The following CCDC6 variants were observed in gnomAD, a reference collection of about 807,000 sequenced individuals.
CCDC6 encodes the protein coiled-coil domain containing 6, also known as coiled-coil domain-containing protein 6.
CCDC6 carries 20 observed loss-of-function variants against 56.6 expected under a neutral mutation model. The ratio of observed to expected loss-of-function variants is 0.35; its 90% CI spans 0.25 to 0.51. The LOEUF is 0.51. Among genes scored for constraint, CCDC6 ranks in the 20% least tolerant of loss-of-function variants. The pLI is 0.95. For missense variants in CCDC6, 367 were observed against 601.1 expected, an observed-to-expected ratio of 0.61 and a Z score of 4.07; for synonymous variants, 241 against 234.4, an observed-to-expected ratio of 1.03 and a Z score of -0.26.
In CCDC6 at chr10:59,841,882, C is replaced by T. The variant is rs1377476585; in HGVS notation, c.454-9229G>A. Among the ~76,000 whole-genome samples, 9 of 151,360 alleles carry T rather than the reference C, an allele frequency of 5.9e-5. No individual in the cohort carries two copies. The South Asian group carries it at 6.3e-4, about 11-fold the overall frequency. ...TGGGGTTTCACCACGTTAGCCAGGA[C>T]GGTCTCGATCTCCTGACCTCATGAT... is the stretch of plus-strand genomic sequence containing the variant. On this transcript the variant is annotated intron_variant, in intron 2 of 8. Coordinates refer to ENST00000263102, the MANE Select transcript of CCDC6 (RefSeq NM_005436.5).
intron 1 of CCDC6, among the ~76,000 whole-genome samples, chr10:59,869,389 C>CAAAAAAAAAAAAAAA (rs1167007522): frequency 6.6e-4 from 4 of 6,098 alleles, no homozygotes; most frequent in Non-Finnish European, 1.3e-3. Flanking sequence ...CTTGCTCAGG[C>CAAAAAAAAAAAAAAA]AAAAAAAAAA....
intron 4 of CCDC6, among the ~76,000 whole-genome samples, chr10:59,814,215 A>G (rs893275617): frequency 2.6e-5 from 4 of 152,204 alleles, no homozygotes; most frequent in Non-Finnish European, 5.9e-5. Flanking sequence ...TAGGTTTTAA[A>G]ACAATTTTAT....
intron 7 of CCDC6, among the ~76,000 whole-genome samples, chr10:59,803,185 G>T (rs1298125571): frequency 6.6e-6 from 1 of 152,074 alleles, no homozygotes; most frequent in East Asian, 1.9e-4. Flanking sequence ...TTGTGCCACT[G>T]ATCTCTGATA....
chr10:59,827,814 G>C (rs1477969625), intron 3 of CCDC6, among the ~76,000 whole-genome samples: 1 of 152,154 alleles, frequency 6.6e-6, no homozygotes, highest in Non-Finnish European at 1.5e-5. Context: ...TAAGGGGTCT[G>C]GTACATGGTA....
At chr10:59,887,596 A>C (rs1171820) in intron 1 of CCDC6, among the ~76,000 whole-genome samples, 8 of 151,858 alleles carry the variant, frequency 5.3e-5, no homozygotes, top group South Asian at 4.2e-4. Flanking sequence ...AGGGGACCAA[A>C]TACCAAGTGA....
chr10:59,872,711 T>C (rs534093881), intron 1 of CCDC6, among the ~76,000 whole-genome samples: 16 of 145,274 alleles, frequency 1.1e-4, no homozygotes, highest in African/African-American at 3.8e-4. Flanking sequence ...AAGGATTTCA[T>C]GGTCAAACTA....
chr10:59,853,846 G>A lies in CCDC6; in HGVS notation c.304-1144C>T, dbSNP rs184899921. Among the ~76,000 whole-genome samples the A allele has an allele frequency of 6.6e-5, 10 of 152,230 alleles. No homozygotes were observed. In the East Asian group the frequency reaches 1.9e-3, roughly 29 times the overall value. On this transcript the variant is annotated intron_variant, in intron 1 of 8. Transcript: ENST00000263102. ...TCAATGGAGATGAAAATATTCTTCT[G>A]TAGATACCCTCCTCTCTCCCTGAAA...
chr10:59,876,596 A>G lies in CCDC6; in HGVS notation c.304-23894T>C, dbSNP rs543808658. Among the ~76,000 whole-genome samples the G allele has an allele frequency of 2.0e-5, 3 of 151,916 alleles. No individual in the cohort carries two copies. In the South Asian group the frequency reaches 6.2e-4, roughly 32 times the overall value. ...ACTACACCTGTTAAGGGGGAAAAAA[A>G]AAAAAAAAAAAAAGCTATCCAAAAG... On this transcript the variant is annotated intron_variant, in intron 1 of 8. Coordinates refer to ENST00000263102, the MANE Select transcript of CCDC6 (RefSeq NM_005436.5).
chr10:59,872,617 T>A (rs1474963868), intron 1 of CCDC6, among the ~76,000 whole-genome samples: 1 of 152,076 alleles, frequency 6.6e-6, no homozygotes, highest in African/African-American at 2.4e-5. Flanking sequence ...ATTTTCTAGT[T>A]TTCAGTGAGT....
intron 1 of CCDC6, among the ~76,000 whole-genome samples, chr10:59,905,698 A>C (rs1159613599): frequency 6.6e-6 from 1 of 151,970 alleles, no homozygotes; most frequent in Non-Finnish European, 1.5e-5. Context: ...CCGAGCCAGG[A>C]CCCAGTAAGA....
At chr10:59,870,696 G>GAGTC (rs1243025040) in intron 1 of CCDC6, among the ~76,000 whole-genome samples, 2 of 152,152 alleles carry the variant, frequency 1.3e-5, no homozygotes, top group Non-Finnish European at 2.9e-5. Flanking sequence ...TGCAACTTTG[G>GAGTC]AGTCATAGCT....
chr10:59,834,524 T>C (rs1372317348), intron 2 of CCDC6, among the ~76,000 whole-genome samples: 1 of 150,720 alleles, frequency 6.6e-6, no homozygotes. Flanking sequence ...GATCACACCA[T>C]TGCACTCCAG....
intron 1 of CCDC6, among the ~76,000 whole-genome samples, chr10:59,875,999 A>C (rs1412002547): frequency 6.6e-6 from 1 of 152,078 alleles, no homozygotes; most frequent in African/African-American, 2.4e-5. Context: ...TTGTTAAAAA[A>C]ATCTTAATAA....
chr10:59,798,768 A>C (rs193081503), intron 7 of CCDC6, among the ~76,000 whole-genome samples: 3 of 151,796 alleles, frequency 2.0e-5, no homozygotes, highest in Non-Finnish European at 2.9e-5. Flanking sequence ...GCTGAGGTGG[A>C]TGGATCACGA....
intron 7 of CCDC6, among the ~76,000 whole-genome samples, chr10:59,795,677 C>T (rs1204419885): frequency 7.0e-6 from 1 of 143,874 alleles, no homozygotes; most frequent in African/African-American, 2.6e-5. Context: ...CTTCCTGTGT[C>T]CATGTGTTCT....
chr10:59,801,308 A>G (rs2070572758), intron 7 of CCDC6, among the ~76,000 whole-genome samples: 1 of 152,158 alleles, frequency 6.6e-6, no homozygotes. Context: ...TGGAAACAAT[A>G]TCCTCTTTAA....
intron 1 of CCDC6, among the ~76,000 whole-genome samples, chr10:59,880,186 C>A (rs747998669): frequency 6.6e-6 from 1 of 152,058 alleles, no homozygotes; most frequent in East Asian, 1.9e-4. Flanking sequence ...GTAGCTTTTT[C>A]TTCTAATGCT....
intron 1 of CCDC6, among the ~76,000 whole-genome samples, chr10:59,885,423 G>A (rs958478564): frequency 1.4e-4 from 21 of 152,088 alleles, no homozygotes; most frequent in African/African-American, 5.1e-4. Flanking sequence ...ATGGTCCCCC[G>A]AATTTAAAAA....
chr10:59,903,118 G>C (rs186059329), intron 1 of CCDC6, among the ~76,000 whole-genome samples: 172 of 152,294 alleles, frequency 1.1e-3, no homozygotes, highest in African/African-American at 3.9e-3. Context: ...AAACTAAGGA[G>C]AGAGTAAAAA....
Sources: allele counts gnomAD v4.1 joint callset (sites outside exome capture counted in the v4.1 genomes callset), GRCh38; gene constraint gnomAD v4.1.1; transcripts MANE v1.5; gene names NCBI Gene and HGNC (gene_info 2026-07-23, HGNC 2026-07-21).